Variants in RPH3AL observed in about 807,000 individuals in gnomAD.
RPH3AL encodes the protein rabphilin 3A like (without C2 domains), also known as rab effector Noc2.
RPH3AL carries 38 observed loss-of-function variants against 43.1 expected under a neutral mutation model. That is an observed-to-expected ratio of 0.88 (90% CI 0.68 to 1.15). RPH3AL has a LOEUF of 1.15. Among genes scored for constraint, RPH3AL ranks in the 50% most tolerant of loss-of-function variants. RPH3AL has a pLI of 0.00. For missense variants in RPH3AL, 462 were observed against 423.2 expected (o/e 1.09, Z -0.81); for synonymous variants, 189 against 176.3 (o/e 1.07, Z -0.57).
Position 284,481 on chromosome 17 carries a change from G to A in RPH3AL, c.352-2627C>T, listed in dbSNP as rs866871318. ...AAACAATGGGCAGAGAAGGTGCCAG[G>A]GGCCGACCCTGGGACAAAGCTTTGC... On this transcript the variant is annotated intron_variant, in intron 5 of 9. Coordinates refer to ENST00000331302, the MANE Select transcript of RPH3AL (RefSeq NM_006987.4). Among the ~76,000 whole-genome samples, 3 of 152,242 alleles carry A rather than the reference G, an allele frequency of 2.0e-5. No homozygotes were observed. The South Asian group carries it at 6.2e-4, about 32-fold the overall frequency.
chr17:277,948 C>G (rs906957450), intron 6 of RPH3AL, among the ~76,000 whole-genome samples: 2 of 151,738 alleles, frequency 1.3e-5, no homozygotes, highest in African/African-American at 2.4e-5. Context: ...CAGTGAGATC[C>G]TGTCTCAAAA....
chr17:304,365 G>A (rs964595520), intron 5 of RPH3AL, among the ~76,000 whole-genome samples: 3 of 151,966 alleles, frequency 2.0e-5, no homozygotes, highest in Non-Finnish European at 2.9e-5. Flanking sequence ...CCGGGAGGAC[G>A]CAGGGAGGCA....
intron 3 of RPH3AL, among the ~76,000 whole-genome samples, chr17:325,445 G>A (rs967599987): frequency 3.9e-5 from 6 of 152,018 alleles, no homozygotes; most frequent in African/African-American, 9.7e-5. Context: ...ACTGACCTCC[G>A]GCCAGGGCCT....
rs2044666472 is a variant in RPH3AL at position 328,318 on chromosome 17, T to A, written c.-36-739A>T. Among the ~76,000 whole-genome samples, 1 of 151,696 alleles carries A rather than the reference T, an allele frequency of 6.6e-6. No homozygotes were observed. The highest frequency in any genetic ancestry group is 1.5e-5 in the Non-Finnish European group (1 of 67,932). ...TTTGGTGGTCTGAGGATGCCACGCG[T>A]GCATTCTGAAGGGAGTGTGGGATGA... On this transcript the variant is annotated intron_variant, in intron 2 of 9. Coordinates refer to ENST00000331302, the MANE Select transcript of RPH3AL (RefSeq NM_006987.4). The surrounding 1 kb of genome is among the most constrained non-coding windows in gnomAD (Gnocchi z 4.2).
At chr17:311,555 C>T (rs539597337) in intron 5 of RPH3AL, among the ~76,000 whole-genome samples, 5 of 152,354 alleles carry the variant, frequency 3.3e-5, no homozygotes, top group East Asian at 1.9e-4. Context: ...CCCATCTTGA[C>T]GGTCAGGACG....
intron 7 of RPH3AL, among the ~76,000 whole-genome samples, chr17:243,919 AC>A (rs544059235): frequency 0.034 from 4,782 of 140,588 alleles, 1 homozygote; most frequent in Middle Eastern, 0.092. Flanking sequence ...TCTATTGATT[AC>A]CTTCCTCTAC....
intron 6 of RPH3AL, among the ~76,000 whole-genome samples, chr17:269,178 G>T (rs184319399): frequency 1.1e-4 from 17 of 151,698 alleles, no homozygotes; most frequent in Admixed American, 2.6e-4. Flanking sequence ...GTGCCTGGCC[G>T]ATTTTTTATT....
chr17:315,833 G>C (rs1555519858), intron 5 of RPH3AL, among the ~76,000 whole-genome samples: 2 of 146,742 alleles, frequency 1.4e-5, no homozygotes, highest in African/African-American at 2.6e-5. Flanking sequence ...TGTAGTCCCT[G>C]TGCCCCCACC....
chr17:320,795 T>C (rs1480371426), intron 4 of RPH3AL, among the ~76,000 whole-genome samples: 1 of 152,260 alleles, frequency 6.6e-6, no homozygotes, highest in Non-Finnish European at 1.5e-5. Flanking sequence ...AATTAAACAC[T>C]GGACACGATG....
chr17:334,338 T>A (rs1237436312), intron 1 of RPH3AL, among the ~76,000 whole-genome samples: 1 of 152,174 alleles, frequency 6.6e-6, no homozygotes, highest in East Asian at 1.9e-4. Flanking sequence ...GAAAAACATA[T>A]CCGGAGGCAA....
intron 5 of RPH3AL, among the ~76,000 whole-genome samples, chr17:315,678 C>A (rs1555520274): frequency 6.6e-6 from 1 of 151,152 alleles, no homozygotes; most frequent in African/African-American, 2.4e-5. Context: ...ACCTGTAGTC[C>A]CTGTGACCCC....
At chr17:317,005 T>A (rs1158904171) in intron 5 of RPH3AL, among the ~76,000 whole-genome samples, 1 of 113,732 alleles carries the variant, frequency 8.8e-6, no homozygotes, top group African/African-American at 3.4e-5. Flanking sequence ...CCCACCTCCA[T>A]TGACCTGTAG....
intron 7 of RPH3AL, among the ~76,000 whole-genome samples, chr17:226,758 A>G (rs1341242405): frequency 6.6e-6 from 1 of 152,080 alleles, no homozygotes; most frequent in African/African-American, 2.4e-5. Context: ...TGCTGTTGCC[A>G]CCTTTCTCCC....
At chr17:331,485 C>T (rs1027022311) in intron 2 of RPH3AL, 2 of 1,083,308 alleles carry the variant, frequency 1.8e-6, no homozygotes, top group Admixed American at 6.2e-5. Flanking sequence ...GGCTGTGCAC[C>T]CCCACCCTGG....
At chr17:321,798 C>T (rs1195995791) in intron 3 of RPH3AL, among the ~76,000 whole-genome samples, 2 of 151,756 alleles carry the variant, frequency 1.3e-5, no homozygotes, top group African/African-American at 4.8e-5. Context: ...CCAGCCCTGC[C>T]ATCCGCCAGC....
intron 6 of RPH3AL, among the ~76,000 whole-genome samples, chr17:252,857 G>T (rs1377694648): frequency 6.6e-6 from 1 of 152,218 alleles, no homozygotes; most frequent in Non-Finnish European, 1.5e-5. Flanking sequence ...AAATGCTCCA[G>T]TGAGTTTTGG....
chr17:245,235 G>A lies in RPH3AL; in HGVS notation c.613+1876C>T, dbSNP rs561711245. On this transcript the variant is annotated intron_variant, in intron 7 of 9. Coordinates refer to ENST00000331302, the MANE Select transcript of RPH3AL (RefSeq NM_006987.4). The surrounding 1 kb of genome is among the most constrained non-coding windows in gnomAD (Gnocchi z 5.9). Reference sequence around the variant, plus strand: ...TGTGTCCATGTGGATGTGTGTGTGCGTGTGGATGAGAGCATGTGTGTGTGC... The same window carrying A: ...TGTGTCCATGTGGATGTGTGTGTGCATGTGGATGAGAGCATGTGTGTGTGC... Among the ~76,000 whole-genome samples the A allele has an allele frequency of 7.3e-5, 11 of 151,386 alleles. No homozygotes were observed. The highest frequency in any genetic ancestry group is 1.9e-4 in the East Asian group (1 of 5,140).
chr17:215,553 T>C lies in RPH3AL; in HGVS notation c.876+101A>G, dbSNP rs892292226. 6 of 1,091,082 alleles carry C rather than the reference T, an allele frequency of 5.5e-6. No homozygotes were observed. Among genetic ancestry groups the C allele is most frequent in the South Asian group, 4.5e-5 (1 of 22,152 alleles). The allele number at this position is 1,091,082 out of a possible 1,614,324, so 67.6% of individuals were successfully genotyped here. A position where few individuals can be genotyped will look rare whatever the true frequency, so the allele number is the denominator to read the frequency against. ...AGTGCTTGGTAAACAACATGCAGAATTGAAAACGTCACCGACCAGTCTCCA... is the reference window on the plus strand; with the variant it reads ...AGTGCTTGGTAAACAACATGCAGAACTGAAAACGTCACCGACCAGTCTCCA... On this transcript the variant is annotated intron_variant, in intron 9 of 9. Coordinates refer to ENST00000331302, the MANE Select transcript of RPH3AL (RefSeq NM_006987.4). This position sits in a 1 kb window ranked among gnomAD's most constrained non-coding sequence, Gnocchi z 4.1.
In RPH3AL at chr17:322,515, T is replaced by C. The variant is rs770122728; in HGVS notation, c.78-1100A>G. 6.6e-6 allele frequency: 1 copy of C among 152,222 alleles called. No homozygotes were observed. The highest frequency in any genetic ancestry group is 1.5e-5 in the Non-Finnish European group (1 of 68,058). The allele number at this position is 152,222 out of a possible 1,614,324, so 9.4% of individuals were successfully genotyped here. On this transcript the variant is annotated intron_variant, in intron 3 of 9. Coordinates refer to ENST00000331302, the MANE Select transcript of RPH3AL (RefSeq NM_006987.4). This position sits in a 1 kb window ranked among gnomAD's most constrained non-coding sequence, Gnocchi z 4.0. ...CAAGTACCCGCTGGGACGCCTGGCC[T>C]CTTAGGTGCCCGGGACAGGCTGCTT...
Sources: gnomAD v4.1 joint callset for allele counts (sites outside exome capture counted in the v4.1 genomes callset) on GRCh38, gnomAD v4.1.1 for gene constraint, Gnocchi (gnomAD v3.1) non-coding constraint, MANE v1.5 for transcripts, NCBI Gene and HGNC (gene_info 2026-07-23, HGNC 2026-07-21) for gene names.